Variants in DZANK1 observed in about 807,000 individuals in gnomAD.
DZANK1 encodes the protein double zinc ribbon and ankyrin repeat domains 1, also known as double zinc ribbon and ankyrin repeat-containing protein 1.
DZANK1 carries 91 observed loss-of-function variants against 94.5 expected under a neutral mutation model. The observed-to-expected ratio is 0.96, with a 90% CI of 0.81 to 1.15. The LOEUF is 1.15. DZANK1 is among the 50% of genes most tolerant of loss of function. DZANK1 has a pLI of 0.00. For missense variants in DZANK1, 903 were observed against 916.4 expected (o/e 0.99, Z 0.19); for synonymous variants, 312 against 325.3 (o/e 0.96, Z 0.44).
chr20:18,465,311 C>T (rs781479670), exon 2 of DZANK1: 1 of 1,611,914 alleles, frequency 6.2e-7, no homozygotes, highest in Non-Finnish European at 8.5e-7. Flanking sequence ...CAGGCTGAGG[C>T]ACTCGTAATG....
At chr20:18,421,786 A>G (rs2057792872) in intron 10 of DZANK1, among the ~76,000 whole-genome samples, 1 of 152,160 alleles carries the variant, frequency 6.6e-6, no homozygotes, top group African/African-American at 2.4e-5. Flanking sequence ...CTGGATTTGC[A>G]GGTGCCTCAT....
intron 8 of DZANK1, among the ~76,000 whole-genome samples, chr20:18,434,107 A>T (rs970208126): frequency 6.6e-6 from 1 of 152,152 alleles, no homozygotes; most frequent in African/African-American, 2.4e-5. Flanking sequence ...AAAATAAAAT[A>T]ACAATTACTT....
At chr20:18,415,905 A>G (rs954303439) in intron 10 of DZANK1, among the ~76,000 whole-genome samples, 1 of 152,236 alleles carries the variant, frequency 6.6e-6, no homozygotes, top group Admixed American at 6.5e-5. Context: ...ATTATTTTAT[A>G]TTGGGGACAG....
intron 15 of DZANK1, chr20:18,394,868 G>A (rs1347734011): frequency 2.2e-6 from 1 of 456,774 alleles, no homozygotes; most frequent in Non-Finnish European, 4.4e-6. Context: ...CCTGGAAAGT[G>A]GAAATAATAT....
At chr20:18,398,136 T>C (rs1239425416) in intron 14 of DZANK1, among the ~76,000 whole-genome samples, 2 of 152,198 alleles carry the variant, frequency 1.3e-5, no homozygotes, top group Middle Eastern at 3.2e-3. Context: ...ACAATGCTGA[T>C]GCTGGGTGCA....
chr20:18,442,924 T>C (rs981401877), intron 8 of DZANK1, among the ~76,000 whole-genome samples: 4 of 152,212 alleles, frequency 2.6e-5, no homozygotes, highest in African/African-American at 9.6e-5. Context: ...AATTTAAATA[T>C]ACAGATCAAT....
chr20:18,433,572 A>G, intron 9 of DZANK1, 80 bp downstream of exon 9: 1 of 1,340,414 alleles, frequency 7.5e-7, no homozygotes, highest in Non-Finnish European at 1.0e-6. Flanking sequence ...ACCCCATCCC[A>G]CTAGCTGAAA....
At chr20:18,412,550 A>G (rs1443364679) in intron 13 of DZANK1, 96 bp downstream of exon 13, 8 of 1,266,362 alleles carry the variant, frequency 6.3e-6, no homozygotes, top group Non-Finnish European at 9.0e-6. Flanking sequence ...CTTCTTACAC[A>G]TACAAATAAA....
chr20:18,454,195 T>C lies in DZANK1; in HGVS notation c.379-368A>G, dbSNP rs1041855859. ...CAAAATCAGACTTCTGCACACCACCTGCCCACACACAGTCCTTAAACACTC... is the reference window on the plus strand; with the variant it reads ...CAAAATCAGACTTCTGCACACCACCCGCCCACACACAGTCCTTAAACACTC... On this transcript the variant is annotated intron_variant, in intron 4 of 20. Transcript: ENST00000262547. 8.9e-5 allele frequency: 33 copies of C among 370,080 alleles called. No individual in the cohort carries two copies. In the East Asian group the frequency reaches 1.8e-3, roughly 20 times the overall value. 22.9% of individuals were successfully genotyped at this position (370,080 alleles called of 1,614,324 possible).
exon 21 of DZANK1, chr20:18,384,274 G>A: frequency 1.0e-6 from 1 of 1,001,966 alleles, no homozygotes; most frequent in Admixed American, 3.0e-5. Context: ...GGTCAGGCTG[G>A]TCTTGAACTC....
intron 8 of DZANK1, among the ~76,000 whole-genome samples, chr20:18,436,491 T>C (rs929992366): frequency 9.4e-5 from 14 of 148,574 alleles, no homozygotes; most frequent in African/African-American, 3.2e-4. Flanking sequence ...GCAGATCGCA[T>C]AACAGAAGAA....
At chr20:18,455,188 G>T in intron 4 of DZANK1, 59 bp downstream of exon 4, 1 of 1,331,740 alleles carries the variant, frequency 7.5e-7, no homozygotes, top group Non-Finnish European at 1.1e-6. Flanking sequence ...TCTGCTCACT[G>T]AGAAAGAAGG....
chr20:18,465,592 C>T (rs762810807), intron 1 of DZANK1: 24 of 223,026 alleles, frequency 1.1e-4, no homozygotes, highest in Non-Finnish European at 1.7e-4. Flanking sequence ...CTCACTTCTG[C>T]GAAAGGAGCA....
At chr20:18,408,837 G>A (rs1002996510) in intron 13 of DZANK1, among the ~76,000 whole-genome samples, 3 of 152,166 alleles carry the variant, frequency 2.0e-5, no homozygotes, top group Non-Finnish European at 4.4e-5. Context: ...AAATTCATGG[G>A]TAATAGTAAG....
intron 17 of DZANK1, among the ~76,000 whole-genome samples, chr20:18,393,422 A>G (rs1321287322): frequency 6.6e-6 from 1 of 152,228 alleles, no homozygotes; most frequent in African/African-American, 2.4e-5. Flanking sequence ...CGACCAGACA[A>G]CCAAGGTTCC....
chr20:18,389,644 G>A (rs1487431629), intron 19 of DZANK1, 57 bp downstream of exon 19: 2 of 1,602,226 alleles, frequency 1.2e-6, no homozygotes, highest in East Asian at 2.2e-5. Context: ...CTGCAGTGGA[G>A]CTCCAAGCAG....
intron 7 of DZANK1, among the ~76,000 whole-genome samples, chr20:18,444,894 G>A (rs761566637): frequency 1.2e-4 from 18 of 152,068 alleles, no homozygotes; most frequent in Admixed American, 4.6e-4. Flanking sequence ...TCCACCTCCC[G>A]GGTCCATGCC....
chr20:18,415,234 T>G (rs777305172), intron 11 of DZANK1, 93 bp downstream of exon 11: 1 of 1,283,742 alleles, frequency 7.8e-7, no homozygotes, highest in Non-Finnish European at 1.0e-6. Context: ...TCACAAGAAG[T>G]GATTTCTGCA....
intron 3 of DZANK1, among the ~76,000 whole-genome samples, chr20:18,457,022 T>C (rs1229349228): frequency 1.3e-5 from 2 of 152,194 alleles, no homozygotes; most frequent in Non-Finnish European, 2.9e-5. Flanking sequence ...CAGCAGTAGC[T>C]GAGGGGTCCA....
Sources: allele counts gnomAD v4.1 joint callset (sites outside exome capture counted in the v4.1 genomes callset), GRCh38; gene constraint gnomAD v4.1.1; transcripts MANE v1.5; gene names NCBI Gene and HGNC (gene_info 2026-07-23, HGNC 2026-07-21).